The following PDE4D variants were observed in gnomAD, a reference collection of about 807,000 sequenced individuals.
PDE4D encodes 3',5'-cyclic-AMP phosphodiesterase 4D.
A neutral mutation model predicts 87.4 loss-of-function variants in PDE4D; 24 were observed. That is an observed-to-expected ratio of 0.27 (90% CI 0.20 to 0.39). The LOEUF is 0.39. Ranked by LOEUF, PDE4D falls within the 10% of genes least tolerant of loss-of-function variation. PDE4D has a pLI of 1.00. For missense variants in PDE4D, 714 were observed against 1,041.0 expected (o/e 0.69, Z 4.32); for synonymous variants, 384 against 383.2 (o/e 1.00, Z -0.02).
intron 5 of PDE4D, among the ~76,000 whole-genome samples, chr5:59,066,365 A>C (rs1321556747): frequency 2.6e-5 from 4 of 152,112 alleles, no homozygotes; most frequent in Non-Finnish European, 4.4e-5. Flanking sequence ...CAAGAAGAGC[A>C]AGGGTGAAGT....
intron 2 of PDE4D, among the ~76,000 whole-genome samples, chr5:60,123,428 G>A (rs1055722558): frequency 9.2e-5 from 14 of 152,106 alleles, no homozygotes; most frequent in East Asian, 1.9e-4. Context: ...CTTCTTACAC[G>A]TCAGTGGCAA....
In PDE4D at chr5:59,771,427, A is replaced by AAG. The variant is rs1554081339; in HGVS notation, c.455+121740_455+121741insCT. On this transcript the variant is annotated intron_variant, in intron 1 of 14. Coordinates refer to ENST00000340635, the MANE Select transcript of PDE4D (RefSeq NM_001104631.2). ...CATCTCAAAAAGAAGGAAAGAAAGA[A>AAG]AAAGAAAAAGAAAGAAAGAAAGAAA... Among the ~76,000 whole-genome samples the AAG allele has an allele frequency of 7.8e-3, 947 of 121,964 alleles. 15 individuals carry two copies. Among genetic ancestry groups the AAG allele is most frequent in the African/African-American group, 0.027 (899 of 32,906 alleles). 80.0% of individuals were successfully genotyped at this position (121,964 alleles called of 152,430 possible). A position where few individuals can be genotyped will look rare whatever the true frequency, so the allele number is the denominator to read the frequency against.
chr5:60,132,492 G>C (rs1779671274), intron 2 of PDE4D, among the ~76,000 whole-genome samples: 1 of 151,968 alleles, frequency 6.6e-6, no homozygotes. Context: ...TTATATTTCA[G>C]TAAAAAATAA....
At chr5:60,365,156 T>C (rs966194381) in intron 1 of PDE4D, among the ~76,000 whole-genome samples, 9 of 152,158 alleles carry the variant, frequency 5.9e-5, no homozygotes, top group Non-Finnish European at 1.3e-4. Flanking sequence ...GGCAAACTTA[T>C]ATACCAGAGC....
chr5:59,684,426 CAATA>C (rs1749526171), intron 1 of PDE4D, among the ~76,000 whole-genome samples: 1 of 151,880 alleles, frequency 6.6e-6, no homozygotes, highest in Admixed American at 6.6e-5. Flanking sequence ...TAACAAAAAA[CAATA>C]AATATCACAG....
chr5:59,844,136 T>A (rs1743474260), intron 1 of PDE4D, among the ~76,000 whole-genome samples: 1 of 152,082 alleles, frequency 6.6e-6, no homozygotes, highest in Non-Finnish European at 1.5e-5. Flanking sequence ...AGTACAAAAT[T>A]TGATTCCTTC....
Position 58,991,858 on chromosome 5 carries a change from TTTTAA to T in PDE4D, c.1157_1161del (p.Val386AspfsTer2). On this transcript the variant is annotated frameshift_variant, in exon 8 of 15. Coordinates refer to ENST00000340635, the MANE Select transcript of PDE4D (RefSeq NM_001104631.2). LOFTEE classifies it high-confidence loss of function. ...TTGGCAAGGACATCTTCTTGTTCAG[TTTTAA>T]CTCCAAACCTTGGGATACTTGAATT... The T allele has an allele frequency of 6.5e-7, 1 of 1,547,590 alleles. No individual in the cohort carries two copies. The highest frequency in any genetic ancestry group is 8.7e-7 in the Non-Finnish European group (1 of 1,150,332).
At chr5:59,607,657 A>C (rs1174760082) in intron 1 of PDE4D, among the ~76,000 whole-genome samples, 1 of 152,038 alleles carries the variant, frequency 6.6e-6, no homozygotes, top group African/African-American at 2.4e-5. Flanking sequence ...AGGAGGCAGC[A>C]GGGGGTAGGT....
intron 1 of PDE4D, among the ~76,000 whole-genome samples, chr5:59,308,120 C>T (rs996640497): frequency 6.7e-6 from 1 of 150,056 alleles, no homozygotes; most frequent in Non-Finnish European, 1.5e-5. Flanking sequence ...AACAAAAAAC[C>T]AAACACCGCA....
chr5:59,550,779 C>T (rs796818083), intron 1 of PDE4D, among the ~76,000 whole-genome samples: 2 of 151,540 alleles, frequency 1.3e-5, no homozygotes, highest in African/African-American at 4.8e-5. Context: ...TTACTGCAAC[C>T]TCCGCCTACC....
intron 2 of PDE4D, among the ~76,000 whole-genome samples, chr5:60,176,667 G>A (rs547070113): frequency 1.3e-5 from 2 of 152,226 alleles, no homozygotes; most frequent in Admixed American, 1.3e-4. Context: ...AAACATCTGG[G>A]AGTGTGAGAC....
At chr5:59,274,174 A>G (rs1450186080) in intron 1 of PDE4D, among the ~76,000 whole-genome samples, 1 of 152,144 alleles carries the variant, frequency 6.6e-6, no homozygotes, top group African/African-American at 2.4e-5. Context: ...TGCAGATGCA[A>G]TCTTTTCTTT....
intron 1 of PDE4D, among the ~76,000 whole-genome samples, chr5:59,716,320 CAGAGAG>C (rs1268600608): frequency 1.3e-5 from 2 of 152,182 alleles, no homozygotes; most frequent in Admixed American, 1.3e-4. Context: ...GGCTCATGGC[CAGAGAG>C]AGAGTAAATC....
intron 1 of PDE4D, among the ~76,000 whole-genome samples, chr5:59,545,947 ACT>A (rs765971047): frequency 3.9e-5 from 6 of 152,126 alleles, no homozygotes; most frequent in Non-Finnish European, 8.8e-5. Flanking sequence ...ACTTGCATTA[ACT>A]CTCTTTCCAA....
At chr5:59,630,165 T>C (rs549928708) in intron 1 of PDE4D, among the ~76,000 whole-genome samples, 1 of 152,330 alleles carries the variant, frequency 6.6e-6, no homozygotes, top group Non-Finnish European at 1.5e-5. Context: ...TACACTTTTA[T>C]GCATATGCAC....
chr5:60,400,737 G>C (rs1361553122), intron 1 of PDE4D, among the ~76,000 whole-genome samples: 1 of 151,322 alleles, frequency 6.6e-6, no homozygotes, highest in African/African-American at 2.4e-5. Flanking sequence ...TTCAAGACCA[G>C]GCTGACCAAC....
intron 1 of PDE4D, among the ~76,000 whole-genome samples, chr5:60,275,058 T>C (rs571385338): frequency 2.0e-5 from 3 of 152,324 alleles, no homozygotes; most frequent in African/African-American, 7.2e-5. Context: ...AGATCAGGGA[T>C]GGGGCTTGTG....
intron 4 of PDE4D, among the ~76,000 whole-genome samples, chr5:59,182,091 A>G (rs1232174211): frequency 1.3e-5 from 2 of 152,098 alleles, no homozygotes; most frequent in Non-Finnish European, 2.9e-5. Flanking sequence ...AAATGCACCA[A>G]ATTTTACTTC....
chr5:59,239,507 T>C (rs1044697778), intron 1 of PDE4D, among the ~76,000 whole-genome samples: 2 of 152,180 alleles, frequency 1.3e-5, no homozygotes, highest in African/African-American at 4.8e-5. Flanking sequence ...TCACAATAGA[T>C]AATAACAACA....
Sources: gnomAD v4.1 joint callset for allele counts (sites outside exome capture counted in the v4.1 genomes callset) on GRCh38, gnomAD v4.1.1 for gene constraint, MANE v1.5 for transcripts, NCBI Gene and HGNC (gene_info 2026-07-23, HGNC 2026-07-21) for gene names.